Variants in SYTL5 observed in about 807,000 individuals in gnomAD.
SYTL5 encodes synaptotagmin like 5, also known as synaptotagmin-like protein 5.
In SYTL5, 34 loss-of-function variants were observed where a neutral mutation model predicts 55.9. The ratio of observed to expected loss-of-function variants is 0.61; its 90% confidence interval spans 0.46 to 0.81. The LOEUF is 0.81. SYTL5 is among the 30% of genes least tolerant of loss of function. SYTL5 has a pLI of 0.00. For missense variants in SYTL5, 637 were observed against 546.7 expected (o/e 1.17, Z -1.65); for synonymous variants, 221 against 188.7 (o/e 1.17, Z -1.40).
chrX:37,986,468 T>C, the SYTL5 span, among the ~76,000 whole-genome samples: 7 of 112,364 alleles, frequency 6.2e-5, no homozygotes, highest in African/African-American at 1.9e-4. Context: ...CTGTAATCTT[T>C]AGATAACATA....
chrX:37,954,801 A>G, the SYTL5 span, among the ~76,000 whole-genome samples: 3 of 111,771 alleles, frequency 2.7e-5, no homozygotes, highest in Admixed American at 1.9e-4. Context: ...ATGGACATAT[A>G]GCAACATCGT....
chrX:37,907,159 G>A, the SYTL5 span, among the ~76,000 whole-genome samples: 1 of 111,638 alleles, frequency 9.0e-6, no homozygotes, highest in Non-Finnish European at 1.9e-5. Context: ...TTAACAAGTG[G>A]TCTTAATTCA....
chrX:37,972,082 AG>A, the SYTL5 span, among the ~76,000 whole-genome samples: 1 of 109,667 alleles, frequency 9.1e-6, no homozygotes, highest in Non-Finnish European at 1.9e-5. Context: ...ATTTCCCTGC[AG>A]GGCCGCTGCA....
chrX:37,955,827 C>T, the SYTL5 span, among the ~76,000 whole-genome samples: 1 of 111,600 alleles, frequency 9.0e-6, no homozygotes, highest in African/African-American at 3.3e-5. Context: ...AGCTTCCAAC[C>T]TGAGCATTTG....
the SYTL5 span, among the ~76,000 whole-genome samples, chrX:37,936,301 C>T: frequency 2.7e-5 from 3 of 111,925 alleles, no homozygotes; most frequent in Non-Finnish European, 5.6e-5. Context: ...GCCACATGCA[C>T]TAGAAAAATT....
chrX:38,126,577 C>T lies in SYTL5; in HGVS notation c.2051-11C>T, dbSNP rs763902861. On this transcript the variant is annotated splice_polypyrimidine_tract_variant and intron_variant, in intron 16 of 16. Transcript: ENST00000297875. ...TGTGTGACATAAAATTTTCCCGTTT[C>T]GCCTCTTCAGGTGTGAGCCATGGGA... The T allele has an allele frequency of 8.3e-6, 10 of 1,208,396 alleles. No homozygotes were observed. In the Admixed American group the frequency reaches 1.1e-4, roughly 13 times the overall value.
intron 1 of SYTL5, among the ~76,000 whole-genome samples, chrX:38,014,086 A>G (rs1408235454): frequency 8.9e-6 from 1 of 111,879 alleles, no homozygotes; most frequent in Non-Finnish European, 1.9e-5. Flanking sequence ...TCCTCTCTAC[A>G]CTGTCATAAT....
At chrX:38,040,066 T>C (rs778986072) in intron 2 of SYTL5, among the ~76,000 whole-genome samples, 25 of 109,080 alleles carry the variant, frequency 2.3e-4, no homozygotes, top group African/African-American at 8.0e-4. Context: ...TCCCAGCTAC[T>C]GGGAGGCTGA....
chrX:37,990,805 A>G, the SYTL5 span: 21 of 1,159,840 alleles, frequency 1.8e-5, no homozygotes, highest in Non-Finnish European at 2.4e-5. Context: ...TAGAGAATCA[A>G]GCAGAGCTGA....
upstream of SYTL5, among the ~76,000 whole-genome samples, chrX:38,003,531 A>T (rs1933911421): frequency 9.0e-6 from 1 of 111,460 alleles, no homozygotes. Flanking sequence ...GACGTGAAGG[A>T]CCTCTTCAAG....
chrX:38,102,948 A>C (rs754329462), intron 10 of SYTL5: 5 of 722,750 alleles, frequency 6.9e-6, no homozygotes, highest in Non-Finnish European at 1.0e-5. Flanking sequence ...AACTGTGTGT[A>C]AGTCTTTTTC....
At chrX:38,102,534 A>T in intron 10 of SYTL5, 100 bp downstream of exon 10, 1 of 586,043 alleles carries the variant, frequency 1.7e-6, no homozygotes, top group Non-Finnish European at 2.9e-6. Flanking sequence ...AAAATGTGTG[A>T]TAATGAGTTA....
chrX:38,049,787 T>A (rs1569168208), intron 2 of SYTL5, among the ~76,000 whole-genome samples: 1 of 112,235 alleles, frequency 8.9e-6, no homozygotes, highest in Non-Finnish European at 1.9e-5. Flanking sequence ...CATACCAGAA[T>A]TGTCTATTCC....
intron 7 of SYTL5, 21 bp downstream of exon 7, chrX:38,089,608 A>AAGTACAC (rs1936746451): frequency 8.4e-7 from 1 of 1,194,185 alleles, no homozygotes; most frequent in South Asian, 1.8e-5. Context: ...AAACCTGATG[A>AAGTACAC]ACACCGTATT....
chrX:38,097,646 A>G (rs1376636256), intron 9 of SYTL5, among the ~76,000 whole-genome samples: 1 of 110,541 alleles, frequency 9.0e-6, no homozygotes, highest in Non-Finnish European at 1.9e-5. Context: ...ATAAATTTGT[A>G]GACAATGCAA....
At chrX:37,905,605 G>C in the SYTL5 span, among the ~76,000 whole-genome samples, 2 of 111,950 alleles carry the variant, frequency 1.8e-5, no homozygotes, top group South Asian at 7.5e-4. Context: ...CGGGGGTGGG[G>C]TCTTTGCAGA....
At chrX:37,894,616 A>G in the SYTL5 span, among the ~76,000 whole-genome samples, 1 of 111,658 alleles carries the variant, frequency 9.0e-6, no homozygotes, top group Non-Finnish European at 1.9e-5. Flanking sequence ...TTATGTGTCT[A>G]TTTCACTGGT....
chrX:37,940,280 T>C, the SYTL5 span, among the ~76,000 whole-genome samples: 3 of 110,396 alleles, frequency 2.7e-5, no homozygotes, highest in Non-Finnish European at 3.8e-5. Flanking sequence ...CCCCTATATG[T>C]AAATGCTTAT....
chrX:37,914,454 T>G, the SYTL5 span, among the ~76,000 whole-genome samples: 1 of 111,399 alleles, frequency 9.0e-6, no homozygotes, highest in Admixed American at 9.6e-5. Flanking sequence ...CACCAAAAAC[T>G]TCATGCAGTT....
Sources: gnomAD v4.1 joint callset for allele counts (sites outside exome capture counted in the v4.1 genomes callset) on GRCh38, gnomAD v4.1.1 for gene constraint, MANE v1.5 for transcripts, NCBI Gene and HGNC (gene_info 2026-07-23, HGNC 2026-07-21) for gene names.